Variants in PCDH15 observed in about 807,000 individuals in gnomAD.
The protein encoded by PCDH15 is protocadherin related 15.
PCDH15 carries 129 observed loss-of-function variants against 178.5 expected under a neutral mutation model. That is an observed-to-expected ratio of 0.72 (90% CI 0.63 to 0.84). PCDH15 has a LOEUF of 0.84. PCDH15 is among the 40% of genes least tolerant of loss of function. PCDH15 has a pLI of 0.00. For synonymous variants in PCDH15, 800 were observed against 732.0 expected (o/e 1.09, Z -1.50); for missense variants, 2,230 against 2,099.9 (o/e 1.06, Z -1.21).
intron 26 of PCDH15, among the ~76,000 whole-genome samples, chr10:53,901,215 C>A (rs115675470): frequency 1.2e-4 from 18 of 151,868 alleles, no homozygotes; most frequent in African/African-American, 4.1e-4. Flanking sequence ...CCCCTTATTT[C>A]TCTCTCAAGT....
At position 55,023,822 on chromosome 10, in the gene PCDH15, TAC is replaced by T. The variant is rs564415742; in HGVS notation, c.-79-126324_-79-126323del. The stretch of plus-strand genomic sequence containing the variant: ...ATATATATATTCTTTCATATATATA[TAC>T]ACACACACTCATATATATATGCCTA... On this transcript the variant is annotated intron_variant, in intron 2 of 5. Transcript: ENST00000458638. Among the ~76,000 whole-genome samples the T allele has an allele frequency of 2.5e-3, 377 of 151,080 alleles. 1 individual carries two copies. The highest frequency in any genetic ancestry group is 3.9e-3 in the African/African-American group (162 of 41,258).
chr10:55,472,607 C>G (rs528729986), intron 2 of PCDH15, among the ~76,000 whole-genome samples: 1 of 151,966 alleles, frequency 6.6e-6, no homozygotes, highest in Non-Finnish European at 1.5e-5. Flanking sequence ...CTCGCTCTGT[C>G]GCCCAGGCTG....
chr10:53,828,107 G>A (rs1477227379), intron 31 of PCDH15, among the ~76,000 whole-genome samples: 2 of 150,604 alleles, frequency 1.3e-5, no homozygotes, highest in Non-Finnish European at 1.5e-5. Context: ...TGGGGAGGCT[G>A]AGGCAGGAGA....
intron 2 of PCDH15, among the ~76,000 whole-genome samples, chr10:55,613,296 C>A (rs1265760062): frequency 6.6e-6 from 1 of 152,028 alleles, no homozygotes; most frequent in Non-Finnish European, 1.5e-5. Flanking sequence ...CTATCTTTAC[C>A]TGCCGCCTTG....
chr10:55,056,131 T>C (rs1841294559), intron 2 of PCDH15, among the ~76,000 whole-genome samples: 1 of 152,170 alleles, frequency 6.6e-6, no homozygotes, highest in Non-Finnish European at 1.5e-5. Context: ...AGCATTCACT[T>C]AGCAATTTAA....
chr10:55,609,948 G>A (rs1843330114), intron 2 of PCDH15, among the ~76,000 whole-genome samples: 1 of 152,074 alleles, frequency 6.6e-6, no homozygotes, highest in East Asian at 1.9e-4. Flanking sequence ...GGAGCAAACT[G>A]TCATAATAAG....
chr10:54,762,544 C>A (rs1244739430), intron 1 of PCDH15, among the ~76,000 whole-genome samples: 1 of 152,006 alleles, frequency 6.6e-6, no homozygotes, highest in Non-Finnish European at 1.5e-5. Flanking sequence ...AATCAAACAC[C>A]ATACTATTGA....
intron 16 of PCDH15, among the ~76,000 whole-genome samples, chr10:54,080,424 T>C (rs1413213149): frequency 6.6e-6 from 1 of 152,162 alleles, no homozygotes; most frequent in African/African-American, 2.4e-5. Context: ...ATTGTACACA[T>C]TTTAATCGAG....
intron 13 of PCDH15, among the ~76,000 whole-genome samples, chr10:54,181,414 A>T (rs1350730651): frequency 6.6e-6 from 1 of 152,102 alleles, no homozygotes; most frequent in Non-Finnish European, 1.5e-5. Context: ...TTTCAGATTC[A>T]GGGGGTACAT....
intron 25 of PCDH15, among the ~76,000 whole-genome samples, chr10:53,934,589 C>T (rs147009847): frequency 0.17 from 25,032 of 145,112 alleles, 3,023 homozygotes; most frequent in East Asian, 0.64. Flanking sequence ...CAGAGTGAGA[C>T]TCTGTCTCAA....
At chr10:53,836,273 GA>G (rs1025078213) in intron 29 of PCDH15, among the ~76,000 whole-genome samples, 7 of 152,176 alleles carry the variant, frequency 4.6e-5, no homozygotes, top group East Asian at 1.9e-4. Flanking sequence ...GAAAGAGGGG[GA>G]AAAAATCTTG....
At chr10:55,575,560 A>G (rs1842480723) in intron 2 of PCDH15, 1 of 152,204 alleles carries the variant, frequency 6.6e-6, no homozygotes, top group Non-Finnish European at 1.5e-5. Context: ...TGTCTATAAA[A>G]GACTAGTCTT....
rs565644644 is a variant in PCDH15 at position 54,816,140 on chromosome 10, A to G, written c.-29+81310T>C. Among the ~76,000 whole-genome samples the G allele has an allele frequency of 2.0e-5, 3 of 152,158 alleles. No individual in the cohort carries two copies. In the South Asian group the frequency reaches 6.2e-4, roughly 31 times the overall value. On this transcript the variant is annotated intron_variant, in intron 3 of 5. Transcript: ENST00000458638. ...TCCTCCATAAATTATAAGCTCCTAG[A>G]GATCAGATACTATGTAATTCTCAAC... is the stretch of plus-strand genomic sequence containing the variant.
chr10:54,665,231 C>G (rs11004440), intron 1 of PCDH15, among the ~76,000 whole-genome samples: 2,362 of 151,884 alleles, frequency 0.016, 49 homozygotes, highest in African/African-American at 0.052. Context: ...CTAAAGAGAC[C>G]AGCTGGTGCT....
At chr10:54,413,422 C>G (rs1438729721) in intron 3 of PCDH15, among the ~76,000 whole-genome samples, 1 of 152,118 alleles carries the variant, frequency 6.6e-6, no homozygotes, top group Non-Finnish European at 1.5e-5. Flanking sequence ...CAACAATATT[C>G]AGGAAACTAT....
intron 11 of PCDH15, chr10:54,189,377 G>A (rs1485805880): frequency 6.4e-7 from 1 of 1,562,882 alleles, no homozygotes. Context: ...AACTCCACTG[G>A]GTGGAACCTA....
intron 9 of PCDH15, among the ~76,000 whole-genome samples, chr10:54,220,868 A>ATAAATAAATAAG (rs879938253): frequency 2.1e-3 from 298 of 143,252 alleles, no homozygotes; most frequent in African/African-American, 7.5e-3. Flanking sequence ...AAATAAATAA[A>ATAAATAAATAAG]TAAGTAAAAT....
At chr10:54,033,169 A>G (rs2093339750) in intron 18 of PCDH15, among the ~76,000 whole-genome samples, 1 of 152,000 alleles carries the variant, frequency 6.6e-6, no homozygotes, top group Non-Finnish European at 1.5e-5. Context: ...TAAAGTAAGT[A>G]CAATATATAT....
intron 2 of PCDH15, among the ~76,000 whole-genome samples, chr10:54,938,292 G>GCTTT (rs1443068482): frequency 2.4e-5 from 3 of 125,620 alleles, no homozygotes; most frequent in African/African-American, 2.8e-5. Flanking sequence ...TTTCGGTTTA[G>GCTTT]CATAGTGTAT....
Sources: gnomAD v4.1 joint callset for allele counts (sites outside exome capture counted in the v4.1 genomes callset) on GRCh38, gnomAD v4.1.1 for gene constraint, MANE v1.5 for transcripts, NCBI Gene and HGNC (gene_info 2026-07-23, HGNC 2026-07-21) for gene names.